The following SDK2 variants were observed in gnomAD, a reference collection of about 807,000 sequenced individuals.
SDK2 encodes the protein protein sidekick-2.
In SDK2, 105 loss-of-function variants were observed where a neutral mutation model predicts 253.9. The ratio of observed to expected loss-of-function variants is 0.41; its 90% CI spans 0.35 to 0.49. SDK2 has a LOEUF of 0.49. SDK2 is among the 20% of genes least tolerant of loss of function. SDK2 has a pLI of 0.06. For synonymous variants in SDK2, 1,249 were observed against 1,234.9 expected, an observed-to-expected ratio of 1.01 and a Z score of -0.24; for missense variants, 2,608 against 3,003.0, an observed-to-expected ratio of 0.87 and a Z score of 3.07.
chr17:73,506,193 C>T (rs2063934625), intron 2 of SDK2, among the ~76,000 whole-genome samples: 1 of 152,222 alleles, frequency 6.6e-6, no homozygotes, highest in Non-Finnish European at 1.5e-5. Flanking sequence ...GTCACAACTT[C>T]CTGGGTGTGC....
intron 1 of SDK2, among the ~76,000 whole-genome samples, chr17:73,631,155 C>A (rs1475580440): frequency 1.3e-5 from 2 of 152,170 alleles, no homozygotes; most frequent in African/African-American, 4.8e-5. Context: ...GTCCCGACGA[C>A]TACCATTTTT....
rs540972353 is a variant in SDK2, at chr17:73,455,920, C to T, written c.465G>A (p.Pro155=). The T allele has an allele frequency of 2.7e-4, 410 of 1,543,876 alleles. 7 individuals are homozygous for T. The South Asian group carries it at 3.0e-3, about 11-fold the overall frequency. The change falls in exon 4 of 45, where the codon CCG becomes CCA. Residue 155 remains proline (P), a synonymous_variant. Transcript: ENST00000392650. The surrounding 1 kb of genome is among the most constrained non-coding windows in gnomAD (Gnocchi z 5.0). ...GATGCACTCACATGCGGCTGCTGGG[C>T]GGGATCTTGCGGCCGTCCCGGAACC... The part of the protein sequence containing the change: ...VTWFRDGRKI[P]PSSRIAITLE...
rs909443312 is a variant in SDK2 at position 73,467,182 on chromosome 17, A to G, written c.331+4930T>C. 2.6e-5 allele frequency among the ~76,000 whole-genome samples: 4 copies of G among 152,046 alleles called. No homozygotes were observed. The highest frequency in any genetic ancestry group is 5.9e-5 in the Non-Finnish European group (4 of 67,998). ...CAGAGCTGTTTGGACATGGATTATT[A>G]CAGCCCAGGGCTGTCCCTGATTCTG... On this transcript the variant is annotated intron_variant, in intron 3 of 44. Coordinates refer to ENST00000392650, the MANE Select transcript of SDK2 (RefSeq NM_001144952.2). This position sits in a 1 kb window ranked among gnomAD's most constrained non-coding sequence, Gnocchi z 4.1.
Position 73,575,636 on chromosome 17 carries a change from G to A in SDK2, c.65-68039C>T, listed in dbSNP as rs762547646. On this transcript the variant is annotated intron_variant, in intron 1 of 44. Coordinates refer to ENST00000392650, the MANE Select transcript of SDK2 (RefSeq NM_001144952.2). The stretch of plus-strand genomic sequence containing the variant: ...CACCAGGTGGTGATCAGGATTAAAC[G>A]AGTTAATATGTGTAAAGCATGTAGG... Among the ~76,000 whole-genome samples the A allele has an allele frequency of 2.6e-5, 4 of 152,372 alleles. No individual in the cohort carries two copies. In the East Asian group the frequency reaches 5.8e-4, roughly 22 times the overall value.
chr17:73,531,803 G>A (rs944856627), intron 1 of SDK2, among the ~76,000 whole-genome samples: 1 of 152,044 alleles, frequency 6.6e-6, no homozygotes, highest in Non-Finnish European at 1.5e-5. Flanking sequence ...TGACTCCATG[G>A]AAGGGCTTAA....
intron 36 of SDK2, among the ~76,000 whole-genome samples, chr17:73,369,802 C>T (rs558660885): frequency 4.6e-5 from 7 of 152,200 alleles, no homozygotes; most frequent in Non-Finnish European, 8.8e-5. Context: ...CCCGCCACCA[C>T]GCCCGGCTAA....
chr17:73,471,550 A>G (rs1197558479), intron 3 of SDK2, among the ~76,000 whole-genome samples: 1 of 152,206 alleles, frequency 6.6e-6, no homozygotes, highest in East Asian at 1.9e-4. Context: ...GTGAGCCAAG[A>G]TTGCACCACT....
At chr17:73,423,661 T>A in intron 13 of SDK2, 139 bp from the exon 14 acceptor site, 1 of 1,085,090 alleles carries the variant, frequency 9.2e-7, no homozygotes, top group Non-Finnish European at 1.3e-6. Flanking sequence ...TCGGGCCATC[T>A]ACCTGGAGAT....
chr17:73,354,935 G>A (rs1464913504), intron 40 of SDK2, among the ~76,000 whole-genome samples: 1 of 151,676 alleles, frequency 6.6e-6, no homozygotes, highest in Non-Finnish European at 1.5e-5. Context: ...GAGCACTGCA[G>A]CAGAGGCGCC....
rs2063095024 is a variant in SDK2, at chr17:73,408,074, C to T, written c.2485-5933G>A. On this transcript the variant is annotated intron_variant, in intron 18 of 44. Coordinates refer to ENST00000392650, the MANE Select transcript of SDK2 (RefSeq NM_001144952.2). ...TTTTTTTTTTTTTTTTCTTTTGAGA[C>T]AGAGTCTGGCTCTGTCGCCTAGACT... Among the ~76,000 whole-genome samples the T allele has an allele frequency of 5.8e-5, 4 of 68,938 alleles. No homozygotes were observed. In the Admixed American group the frequency reaches 6.8e-4, roughly 12 times the overall value. The allele number at this position is 68,938 out of a possible 152,430, so 45.2% of individuals were successfully genotyped here.
intron 1 of SDK2, among the ~76,000 whole-genome samples, chr17:73,565,501 T>C (rs1203349471): frequency 6.6e-6 from 1 of 152,292 alleles, no homozygotes; most frequent in Non-Finnish European, 1.5e-5. Context: ...AGGCAATCAA[T>C]ACAGATTGTT....
rs1469946670 is a variant in SDK2 at position 73,395,617 on chromosome 17, T to A, written c.3355-225A>T. 1.3e-5 allele frequency among the ~76,000 whole-genome samples: 2 copies of A among 152,208 alleles called. No homozygotes were observed. The highest frequency in any genetic ancestry group is 2.9e-5 in the Non-Finnish European group (2 of 68,032). On this transcript the variant is annotated intron_variant, in intron 24 of 44. Coordinates refer to ENST00000392650, the MANE Select transcript of SDK2 (RefSeq NM_001144952.2). The surrounding 1 kb of genome is among the most constrained non-coding windows in gnomAD (Gnocchi z 4.3). ...CTGCAGGGAGGACAGAGAAGCAGCA[T>A]CCTTTCTTTATTGTGTATGTGACAA...
intron 21 of SDK2, among the ~76,000 whole-genome samples, chr17:73,400,525 G>A (rs948480346): frequency 7.2e-5 from 11 of 152,160 alleles, no homozygotes; most frequent in African/African-American, 2.7e-4. Context: ...GGGAGCCAGG[G>A]GAGCCCCTGT....
intron 38 of SDK2, among the ~76,000 whole-genome samples, chr17:73,363,853 C>T (rs964156200): frequency 3.9e-5 from 6 of 152,086 alleles, no homozygotes; most frequent in Non-Finnish European, 5.9e-5. Flanking sequence ...TGCCCCACTC[C>T]GGCCCTGCAC....
intron 3 of SDK2, among the ~76,000 whole-genome samples, chr17:73,458,944 C>T (rs908148731): frequency 1.3e-5 from 2 of 152,260 alleles, no homozygotes; most frequent in African/African-American, 2.4e-5. Context: ...GCGGAGGTTG[C>T]GGTGAGCCGA....
chr17:73,606,111 T>A (rs2045904035), intron 1 of SDK2, among the ~76,000 whole-genome samples: 1 of 152,198 alleles, frequency 6.6e-6, no homozygotes, highest in Non-Finnish European at 1.5e-5. Context: ...ATTCTATTTA[T>A]TTTGTAGGGT....
chr17:73,632,889 C>T (rs2046287012), intron 1 of SDK2, among the ~76,000 whole-genome samples: 1 of 152,124 alleles, frequency 6.6e-6, no homozygotes, highest in Admixed American at 6.6e-5. Flanking sequence ...GACGACAAGC[C>T]ACATCTTCCA....
At chr17:73,484,664 G>GC (rs2063759097) in intron 2 of SDK2, among the ~76,000 whole-genome samples, 1 of 152,240 alleles carries the variant, frequency 6.6e-6, no homozygotes, top group South Asian at 2.1e-4. Flanking sequence ...GTCAAGCTCA[G>GC]CAGCACCATG....
chr17:73,552,921 G>A (rs2045084555), intron 1 of SDK2, among the ~76,000 whole-genome samples: 1 of 152,248 alleles, frequency 6.6e-6, no homozygotes, highest in African/African-American at 2.4e-5. Flanking sequence ...GAGATGGGAT[G>A]AACTGTTTGG....
Sources: allele counts gnomAD v4.1 joint callset (sites outside exome capture counted in the v4.1 genomes callset), GRCh38; gene constraint gnomAD v4.1.1; non-coding constraint Gnocchi (gnomAD v3.1); transcripts MANE v1.5; gene names NCBI Gene and HGNC (gene_info 2026-07-23, HGNC 2026-07-21).